The following CDH2 variants were observed in gnomAD, a reference collection of about 807,000 sequenced individuals.
CDH2 encodes the protein cadherin-2.
Under a neutral mutation model 92.0 loss-of-function variants are expected in CDH2, and 17 were observed. The ratio of observed to expected loss-of-function variants is 0.18; its 90% CI spans 0.13 to 0.28. The LOEUF (loss-of-function observed/expected upper bound fraction) is 0.28. Ranked by LOEUF, CDH2 falls within the 10% of genes least tolerant of loss-of-function variation. The pLI is 1.00. For missense variants in CDH2, 862 were observed against 1,133.1 expected (o/e 0.76, Z 3.44); for synonymous variants, 419 against 415.9 (o/e 1.01, Z -0.09).
chr18:27,997,378 G>GT (rs2012616372), intron 7 of CDH2, among the ~76,000 whole-genome samples: 1 of 152,210 alleles, frequency 6.6e-6, no homozygotes, highest in African/African-American at 2.4e-5. Context: ...CTTTCACTAA[G>GT]TGATGGAGGC....
chr18:27,955,950 A>AT (rs2011236581), intron 15 of CDH2, among the ~76,000 whole-genome samples: 1 of 151,872 alleles, frequency 6.6e-6, no homozygotes, highest in Admixed American at 6.6e-5. Context: ...AATCCCTTCC[A>AT]TTTGGATAGC....
intron 2 of CDH2, among the ~76,000 whole-genome samples, chr18:28,088,617 G>C (rs1246601331): frequency 6.6e-6 from 1 of 152,074 alleles, no homozygotes; most frequent in African/African-American, 2.4e-5. Context: ...AAGTCTGTCC[G>C]AGAGGCATCT....
At chr18:27,939,981 G>A (rs1380091964) in intron 6 of CDH2, among the ~76,000 whole-genome samples, 2 of 151,940 alleles carry the variant, frequency 1.3e-5, no homozygotes, top group African/African-American at 4.8e-5. Context: ...CCCACCCTTG[G>A]GCTTCAATTT....
intron 2 of CDH2, among the ~76,000 whole-genome samples, chr18:28,123,739 G>C (rs114440297): frequency 1.3e-5 from 2 of 152,048 alleles, no homozygotes; most frequent in African/African-American, 2.4e-5. Flanking sequence ...CTAAATAAAG[G>C]GTTCTGAATT....
intron 1 of CDH2, among the ~76,000 whole-genome samples, chr18:28,153,402 T>G (rs2016156249): frequency 6.6e-6 from 1 of 152,224 alleles, no homozygotes; most frequent in African/African-American, 2.4e-5. Flanking sequence ...CCAGCTGGCT[T>G]TAGTCATTCC....
At chr18:28,011,716 C>A in intron 4 of CDH2, 130 bp downstream of exon 4, 1 of 839,328 alleles carries the variant, frequency 1.2e-6, no homozygotes, top group Non-Finnish European at 1.9e-6. Context: ...TACAGAAATT[C>A]TATCTTTATA....
chr18:28,018,673 T>A (rs1013567351), intron 2 of CDH2, among the ~76,000 whole-genome samples: 1 of 151,686 alleles, frequency 6.6e-6, no homozygotes, highest in South Asian at 2.1e-4. Context: ...AAATAATAGA[T>A]GTTGGCATGG....
chr18:27,959,562 C>A (rs2011343062), intron 15 of CDH2: 1 of 152,180 alleles, frequency 6.6e-6, no homozygotes, highest in Admixed American at 6.5e-5. Flanking sequence ...TCATTTTTGT[C>A]TGTCCAGTAA....
intron 2 of CDH2, among the ~76,000 whole-genome samples, chr18:28,111,960 G>A (rs2015420476): frequency 6.6e-6 from 1 of 152,042 alleles, no homozygotes; most frequent in African/African-American, 2.4e-5. Flanking sequence ...ATTTTTTATA[G>A]ATTTTCTTCC....
At chr18:28,170,502 T>C (rs1466111883) in intron 1 of CDH2, among the ~76,000 whole-genome samples, 3 of 152,260 alleles carry the variant, frequency 2.0e-5, no homozygotes, top group East Asian at 1.9e-4. Context: ...CCTACCATCA[T>C]GCCCAGCTAA....
intron 1 of CDH2, among the ~76,000 whole-genome samples, chr18:28,171,983 A>G (rs2016470889): frequency 6.6e-6 from 1 of 152,276 alleles, no homozygotes; most frequent in Middle Eastern, 3.4e-3. Flanking sequence ...GACATAAAGT[A>G]ATCAATCAAT....
At chr18:28,024,551 C>G (rs1160684783) in intron 2 of CDH2, among the ~76,000 whole-genome samples, 2 of 150,936 alleles carry the variant, frequency 1.3e-5, no homozygotes, top group East Asian at 1.9e-4. Context: ...ATTAAACATA[C>G]AGCAATCTAA....
chr18:28,072,407 C>A (rs1035230539), intron 2 of CDH2, among the ~76,000 whole-genome samples: 1 of 152,272 alleles, frequency 6.6e-6, no homozygotes, highest in African/African-American at 2.4e-5. Flanking sequence ...TGCCTCCTAT[C>A]CCCTTCGACA....
intron 1 of CDH2, among the ~76,000 whole-genome samples, chr18:28,148,587 C>T (rs2016074063): frequency 1.3e-5 from 2 of 152,142 alleles, no homozygotes; most frequent in Admixed American, 1.3e-4. Flanking sequence ...CCTGTAGCAT[C>T]TGCATTAATT....
At chr18:28,121,216 G>C (rs147269946) in intron 2 of CDH2, among the ~76,000 whole-genome samples, 1 of 152,058 alleles carries the variant, frequency 6.6e-6, no homozygotes. Context: ...AATTGTCCAA[G>C]AGATCATTAC....
intron 2 of CDH2, among the ~76,000 whole-genome samples, chr18:28,105,014 T>C (rs776036492): frequency 3.3e-5 from 5 of 152,076 alleles, no homozygotes; most frequent in Non-Finnish European, 4.4e-5. Flanking sequence ...AAATTTTCAA[T>C]GGTAAAACAC....
chr18:27,950,733 A>G (rs559231491), downstream of CDH2, among the ~76,000 whole-genome samples: 4 of 151,322 alleles, frequency 2.6e-5, no homozygotes, highest in South Asian at 4.1e-4. Context: ...TGATTTTTCT[A>G]TCACCACCAG....
intron 3 of CDH2, 21 bp from the exon 4 acceptor site, chr18:28,012,013 C>T (rs2013115795): frequency 6.2e-7 from 1 of 1,606,356 alleles, no homozygotes; most frequent in Non-Finnish European, 8.5e-7. Context: ...AAATAGAAGA[C>T]ATTCCTGAGT....
chr18:28,168,877 C>T (rs2016423647), intron 1 of CDH2, among the ~76,000 whole-genome samples: 1 of 151,986 alleles, frequency 6.6e-6, no homozygotes, highest in Non-Finnish European at 1.5e-5. Flanking sequence ...CAGTCATTCT[C>T]TGGGTATTAT....
Sources: gnomAD v4.1 joint callset for allele counts (sites outside exome capture counted in the v4.1 genomes callset) on GRCh38, gnomAD v4.1.1 for gene constraint, MANE v1.5 for transcripts, NCBI Gene and HGNC (gene_info 2026-07-23, HGNC 2026-07-21) for gene names.